Variants in NACC2 observed in about 807,000 individuals in gnomAD.
NACC2 encodes NACC family member 2.
NACC2 carries 8 observed loss-of-function variants against 25.1 expected under a neutral mutation model. The observed-to-expected ratio is 0.32, with a 90% CI of 0.19 to 0.57. NACC2 has a LOEUF of 0.57. Among genes scored for constraint, NACC2 ranks in the 20% least tolerant of loss-of-function variants. The pLI is 0.89. For synonymous variants in NACC2, 435 were observed against 294.7 expected (o/e 1.48, Z -4.88); for missense variants, 644 against 650.2 (o/e 0.99, Z 0.10).
intron 1 of NACC2, among the ~76,000 whole-genome samples, chr9:136,094,177 C>T (rs1178663511): frequency 1.3e-5 from 2 of 152,224 alleles, no homozygotes; most frequent in Middle Eastern, 6.3e-3. Flanking sequence ...GCTCAGGGCA[C>T]CCAGCGGCCC....
rs893230989 is a variant in NACC2, at chr9:136,071,776, A to T, written c.-59-21196T>A. ...CATATGGATCAATGGAACAGAATTT[A>T]AAAAACCCAAAATAGACCCACACAA... On this transcript the variant is annotated intron_variant, in intron 1 of 5. Coordinates refer to ENST00000277554, the MANE Select transcript of NACC2 (RefSeq NM_144653.5). Among the ~76,000 whole-genome samples the T allele has an allele frequency of 5.3e-5, 8 of 152,130 alleles. No individual in the cohort carries two copies. In the East Asian group the frequency reaches 5.8e-4, roughly 11 times the overall value.
intron 1 of NACC2, among the ~76,000 whole-genome samples, chr9:136,060,002 C>T (rs926271722): frequency 7.2e-5 from 11 of 152,360 alleles, no homozygotes; most frequent in African/African-American, 1.9e-4. Context: ...GGCACAGGGC[C>T]GAGGGACACA....
chr9:136,029,036 A>T (rs984758848), intron 2 of NACC2, among the ~76,000 whole-genome samples: 1 of 152,180 alleles, frequency 6.6e-6, no homozygotes, highest in African/African-American at 2.4e-5. Flanking sequence ...CAGGAGGCAG[A>T]CAGGCTCCTG....
intron 1 of NACC2, 70 bp from the exon 2 acceptor site, chr9:136,050,650 ACCCCCTCCT>A: frequency 1.5e-6 from 1 of 659,430 alleles, no homozygotes; most frequent in South Asian, 1.7e-5. Flanking sequence ...GGCCGTTCCC[ACCCCCTCCT>A]CCCCCGCCGG....
At chr9:136,047,222 G>A (rs1840743471) in intron 2 of NACC2, among the ~76,000 whole-genome samples, 1 of 152,198 alleles carries the variant, frequency 6.6e-6, no homozygotes, top group Non-Finnish European at 1.5e-5. Context: ...GGGACACGGA[G>A]GGCACGGGGA....
At position 136,011,978 on chromosome 9, in the gene NACC2, G is replaced by C; in HGVS notation, c.1302C>G (p.Asn434Lys). The change falls in exon 6 of 6, where the codon AAC becomes AAG. Residue 434 changes from asparagine (N) to lysine (K), a missense_variant. Transcript: ENST00000277554. ...FAPSFKESEM[N>K]VIAADMCTNA... ...TGGTGCACATGTCCGCGGCGATCAC[G>C]TTCATCTCGCTCTCCTTGAAGCTGG... 6.2e-7 allele frequency: 1 copy of C among 1,604,970 alleles called. No homozygotes were observed.
intron 1 of NACC2, among the ~76,000 whole-genome samples, chr9:136,091,178 A>G (rs1484694692): frequency 2.6e-5 from 4 of 152,012 alleles, no homozygotes; most frequent in Admixed American, 6.5e-5. Context: ...TGAGCCTTAC[A>G]TGGGATTCAG....
intron 1 of NACC2, among the ~76,000 whole-genome samples, chr9:136,060,732 A>C (rs1335900539): frequency 1.3e-5 from 2 of 152,202 alleles, no homozygotes; most frequent in Non-Finnish European, 2.9e-5. Flanking sequence ...ATAGCCGGTG[A>C]GCACGGAGCC....
chr9:136,094,736 G>A (rs114824679), intron 1 of NACC2, among the ~76,000 whole-genome samples: 28,474 of 151,198 alleles, frequency 0.19, 5,349 homozygotes, highest in African/African-American at 0.49. Context: ...CGCCGGGAGG[G>A]GTGGGTACCT....
At chr9:136,053,121 G>A (rs1840872617) in intron 1 of NACC2, among the ~76,000 whole-genome samples, 2 of 152,244 alleles carry the variant, frequency 1.3e-5, no homozygotes, top group Admixed American at 1.3e-4. Context: ...CTGGCAGCAG[G>A]ATGCGGAGGA....
chr9:136,093,613 G>T (rs1444064663), intron 1 of NACC2, among the ~76,000 whole-genome samples: 1 of 152,246 alleles, frequency 6.6e-6, no homozygotes, highest in East Asian at 1.9e-4. Context: ...AAGTGGCTTT[G>T]CCGAAAGGAC....
chr9:136,089,145 C>T (rs896679406), intron 1 of NACC2, among the ~76,000 whole-genome samples: 14 of 152,104 alleles, frequency 9.2e-5, no homozygotes, highest in South Asian at 2.1e-4. Context: ...CACTGCAGCC[C>T]GGGAGAACCA....
chr9:136,080,401 C>T (rs1200756847), intron 1 of NACC2, among the ~76,000 whole-genome samples: 2 of 152,158 alleles, frequency 1.3e-5, no homozygotes, highest in Non-Finnish European at 2.9e-5. Flanking sequence ...GTATTAAAAA[C>T]GTCTCTATTA....
chr9:136,012,334 C>T (rs567453476), intron 5 of NACC2, among the ~76,000 whole-genome samples: 5 of 152,258 alleles, frequency 3.3e-5, no homozygotes, highest in Admixed American at 1.3e-4. Flanking sequence ...GTAGCCCCAA[C>T]GGCTAACGGG....
chr9:136,007,791 T>A lies in NACC2; in HGVS notation c.*3725A>T, dbSNP rs1252364963. On this transcript the variant is annotated 3_prime_UTR_variant, in exon 6 of 6. Coordinates refer to ENST00000277554, the MANE Select transcript of NACC2 (RefSeq NM_144653.5). ...TGCTGCCAAGATGTTTCCATAAAAA[T>A]TTCCCTTTGAGGGGAGCCCAGGCAG... 2 of 152,206 alleles carry A rather than the reference T, an allele frequency of 1.3e-5. No homozygotes were observed. The highest frequency in any genetic ancestry group is 2.4e-5 in the African/African-American group (1 of 41,412). The allele number at this position is 152,206 out of a possible 1,614,324, so 9.4% of individuals were successfully genotyped here. A position where few individuals can be genotyped will look rare whatever the true frequency, so the allele number is the denominator to read the frequency against.
At position 136,020,018 on chromosome 9, in the gene NACC2, G is replaced by A. The variant is rs539772178; in HGVS notation, c.887-3589C>T. On this transcript the variant is annotated intron_variant, in intron 2 of 5. Transcript: ENST00000277554. This position sits in a 1 kb window ranked among gnomAD's most constrained non-coding sequence, Gnocchi z 4.7. Reference sequence around the variant, plus strand: ...CTGGGTGGGGGAACGGGGAGGGACCGTTTCATGGGGATGAGAGGTTCATCT... The same window carrying A: ...CTGGGTGGGGGAACGGGGAGGGACCATTTCATGGGGATGAGAGGTTCATCT... Among the ~76,000 whole-genome samples, 118 of 152,202 alleles carry A rather than the reference G, an allele frequency of 7.8e-4. 1 individual carries two copies. Among genetic ancestry groups the A allele is most frequent in the South Asian group, 6.4e-3 (31 of 4,822 alleles).
Position 136,049,631 on chromosome 9 carries a change from G to A in NACC2, c.886+5C>T, listed in dbSNP as rs929727200. 1.9e-5 allele frequency: 15 copies of A among 774,466 alleles called. No homozygotes were observed. The highest frequency in any genetic ancestry group is 1.5e-4 in the East Asian group (6 of 40,542). The allele number at this position is 774,466 out of a possible 1,614,324, so 48.0% of individuals were successfully genotyped here. On this transcript the variant is annotated splice_donor_5th_base_variant and intron_variant, in intron 2 of 5. Coordinates refer to ENST00000277554, the MANE Select transcript of NACC2 (RefSeq NM_144653.5). ...GTGGTGTGGGGCTCCACCCCGCCGC[G>A]TTACCTGCATAGCTGCCGGAGGCCT...
At chr9:136,029,375 C>A (rs142663387) in intron 2 of NACC2, among the ~76,000 whole-genome samples, 1 of 152,356 alleles carries the variant, frequency 6.6e-6, no homozygotes, top group Non-Finnish European at 1.5e-5. Flanking sequence ...GAGAGCTGTA[C>A]TGTCCCTCAA....
chr9:136,045,657 T>G (rs935838805), intron 2 of NACC2, among the ~76,000 whole-genome samples: 2 of 152,032 alleles, frequency 1.3e-5, no homozygotes, highest in Non-Finnish European at 2.9e-5. Context: ...CTCTGCGAGC[T>G]CCATTTCCCT....
Sources: allele counts gnomAD v4.1 joint callset (sites outside exome capture counted in the v4.1 genomes callset), GRCh38; gene constraint gnomAD v4.1.1; non-coding constraint Gnocchi (gnomAD v3.1); transcripts MANE v1.5; gene names NCBI Gene and HGNC (gene_info 2026-07-23, HGNC 2026-07-21).